The following SNTB1 variants were observed in gnomAD, a reference collection of about 807,000 sequenced individuals.
SNTB1 encodes beta-1-syntrophin.
SNTB1 carries 36 observed loss-of-function variants against 48.9 expected under a neutral mutation model. That is an observed-to-expected ratio of 0.74 (90% CI 0.56 to 0.97). The LOEUF (loss-of-function observed/expected upper bound fraction) is 0.97, where lower values mean the gene tolerates loss of function less well. SNTB1 is among the 50% of genes least tolerant of loss of function. The pLI, the probability that SNTB1 is intolerant of heterozygous loss-of-function variation, is 0.00. For synonymous variants in SNTB1, 299 were observed against 294.6 expected (o/e 1.01, Z -0.15); for missense variants, 786 against 703.4 (o/e 1.12, Z -1.33).
At chr8:120,686,737 A>G (rs894686457) in intron 2 of SNTB1, among the ~76,000 whole-genome samples, 2 of 152,306 alleles carry the variant, frequency 1.3e-5, no homozygotes, top group African/African-American at 4.8e-5. Flanking sequence ...GCAACTCTAG[A>G]GTTTTATTCA....
chr8:120,772,250 C>CTTT (rs1288097097), intron 1 of SNTB1, among the ~76,000 whole-genome samples: 1 of 141,492 alleles, frequency 7.1e-6, no homozygotes, highest in African/African-American at 2.6e-5. Flanking sequence ...ATTTTTTCTT[C>CTTT]TTTTTTTTTT....
chr8:120,771,326 C>G (rs1819624166), intron 1 of SNTB1, among the ~76,000 whole-genome samples: 1 of 152,174 alleles, frequency 6.6e-6, no homozygotes, highest in Admixed American at 6.5e-5. Flanking sequence ...CTTTTCATTT[C>G]TACCATTTCT....
At chr8:120,649,018 C>T (rs1817356685) in intron 2 of SNTB1, among the ~76,000 whole-genome samples, 3 of 149,396 alleles carry the variant, frequency 2.0e-5, no homozygotes, top group Admixed American at 2.0e-4. Flanking sequence ...TCAGCTCCAT[C>T]AGCTCCTTTA....
At chr8:120,774,049 G>A (rs887079330) in intron 1 of SNTB1, among the ~76,000 whole-genome samples, 4 of 152,242 alleles carry the variant, frequency 2.6e-5, no homozygotes, top group African/African-American at 9.6e-5. Flanking sequence ...GACATTCAGA[G>A]TGGAACAGGT....
intron 3 of SNTB1, among the ~76,000 whole-genome samples, chr8:120,585,417 G>A (rs1816123611): frequency 6.6e-6 from 1 of 152,132 alleles, no homozygotes; most frequent in Non-Finnish European, 1.5e-5. Context: ...GCTTCACTCA[G>A]GCCAGATGTC....
chr8:120,656,896 A>T (rs899165661), intron 2 of SNTB1, among the ~76,000 whole-genome samples: 8 of 152,198 alleles, frequency 5.3e-5, no homozygotes, highest in Non-Finnish European at 1.2e-4. Context: ...AATAAAACTG[A>T]CAGGATGTTA....
At chr8:120,601,896 T>A (rs1280608606) in intron 3 of SNTB1, among the ~76,000 whole-genome samples, 2 of 152,188 alleles carry the variant, frequency 1.3e-5, no homozygotes, top group African/African-American at 2.4e-5. Flanking sequence ...CACCAGCATA[T>A]GGCTGTCTAC....
intron 2 of SNTB1, chr8:120,654,933 G>T (rs1251063366): frequency 2.2e-6 from 1 of 455,684 alleles, no homozygotes; most frequent in South Asian, 1.6e-5. Context: ...TCAGGAGGAT[G>T]AAGTCTTGCT....
intron 2 of SNTB1, among the ~76,000 whole-genome samples, chr8:120,641,171 AT>A (rs1202495970): frequency 6.6e-6 from 1 of 152,172 alleles, no homozygotes; most frequent in Non-Finnish European, 1.5e-5. Flanking sequence ...GGGTGAGTTC[AT>A]TGTCTCCCAA....
intron 1 of SNTB1, among the ~76,000 whole-genome samples, chr8:120,741,828 A>G (rs1035599400): frequency 6.6e-6 from 1 of 152,224 alleles, no homozygotes; most frequent in African/African-American, 2.4e-5. Flanking sequence ...TGTAAAAAAG[A>G]AAAAGAAGGA....
Position 120,575,084 on chromosome 8 carries a change from A to G in SNTB1, c.1136+2T>C. ...TCATACCAAACACAAGGCCATGGCT[A>G]CCTGGTGGCAAGAAGAGGGTATGTG... On this transcript the variant is annotated splice_donor_variant, in intron 4 of 6. Coordinates refer to ENST00000517992, the MANE Select transcript of SNTB1 (RefSeq NM_021021.4). LOFTEE classifies it high-confidence loss of function. 1 of 1,614,170 alleles carries G rather than the reference A, an allele frequency of 6.2e-7. No homozygotes were observed.
At chr8:120,772,504 C>T (rs1819655107) in intron 1 of SNTB1, among the ~76,000 whole-genome samples, 1 of 152,168 alleles carries the variant, frequency 6.6e-6, no homozygotes. Context: ...ACCTAGGCCT[C>T]CAAAAGTGCT....
chr8:120,608,567 T>C (rs955330161), intron 3 of SNTB1, among the ~76,000 whole-genome samples: 1 of 152,202 alleles, frequency 6.6e-6, no homozygotes, highest in Non-Finnish European at 1.5e-5. Flanking sequence ...CCAACCCTGC[T>C]GGCACCTTGA....
chr8:120,796,982 A>T (rs1024286408), intron 1 of SNTB1, among the ~76,000 whole-genome samples: 46 of 152,064 alleles, frequency 3.0e-4, no homozygotes, highest in Non-Finnish European at 5.4e-4. Context: ...TACATTTTTT[A>T]AAAATACAGT....
chr8:120,719,606 A>C (rs574166474), intron 1 of SNTB1, among the ~76,000 whole-genome samples: 22 of 152,218 alleles, frequency 1.4e-4, no homozygotes, highest in Admixed American at 1.3e-3. Flanking sequence ...TCTCCCCCAA[A>C]GCTATGACGT....
At chr8:120,677,408 T>C (rs1817855273) in intron 2 of SNTB1, among the ~76,000 whole-genome samples, 1 of 152,228 alleles carries the variant, frequency 6.6e-6, no homozygotes. Flanking sequence ...ACTGACCTAG[T>C]TCTTCAAACT....
At chr8:120,570,584 C>T (rs1815826115) in intron 4 of SNTB1, 1 of 152,258 alleles carries the variant, frequency 6.6e-6, no homozygotes, top group Non-Finnish European at 1.5e-5. Flanking sequence ...GATTCCTGAA[C>T]TCTTTTGAGC....
At chr8:120,702,981 G>A (rs56156030) in intron 1 of SNTB1, among the ~76,000 whole-genome samples, 21,561 of 152,192 alleles carry the variant, frequency 0.14, 3,363 homozygotes, top group African/African-American at 0.39. Context: ...GCTTGGAAGA[G>A]TGTTTAGTAC....
At chr8:120,730,062 C>T (rs1818826505) in intron 1 of SNTB1, among the ~76,000 whole-genome samples, 1 of 152,208 alleles carries the variant, frequency 6.6e-6, no homozygotes, top group South Asian at 2.1e-4. Context: ...ACATAAATCT[C>T]ATTTTTATAA....
Sources: allele counts gnomAD v4.1 joint callset (sites outside exome capture counted in the v4.1 genomes callset), GRCh38; gene constraint gnomAD v4.1.1; transcripts MANE v1.5; gene names NCBI Gene and HGNC (gene_info 2026-07-23, HGNC 2026-07-21).